BEND5: variants seen among roughly 807,000 people sequenced by gnomAD.
BEND5 encodes BEN domain-containing protein 5.
BEND5 carries 22 observed loss-of-function variants against 43.9 expected under a neutral mutation model. The ratio of observed to expected loss-of-function variants is 0.50; its 90% CI spans 0.36 to 0.72. The LOEUF is 0.72. BEND5 is among the 30% of genes least tolerant of loss of function. The probability of loss-of-function intolerance (pLI) is 0.00; values close to 1 mark genes in which losing one functional copy is unlikely to be tolerated. For missense variants in BEND5, 428 were observed against 550.6 expected, an observed-to-expected ratio of 0.78 and a Z score of 2.23; for synonymous variants, 228 against 225.9, an observed-to-expected ratio of 1.01 and a Z score of -0.08.
intron 3 of BEND5, among the ~76,000 whole-genome samples, chr1:48,747,730 C>A (rs12024474): frequency 6.6e-6 from 1 of 151,970 alleles, no homozygotes; most frequent in Non-Finnish European, 1.5e-5. Flanking sequence ...CATGAAATTA[C>A]ACCATTTTCT....
chr1:48,750,590 C>T (rs919353630), intron 3 of BEND5, among the ~76,000 whole-genome samples: 1 of 152,218 alleles, frequency 6.6e-6, no homozygotes, highest in Non-Finnish European at 1.5e-5. Flanking sequence ...ACTGTGACTT[C>T]TTTAAGGTGG....
intron 4 of BEND5, among the ~76,000 whole-genome samples, chr1:48,738,583 C>G (rs1649431669): frequency 6.6e-6 from 1 of 152,232 alleles, no homozygotes; most frequent in Admixed American, 6.5e-5. Context: ...GCCACCCACA[C>G]AAGCTTCCTG....
At position 48,760,646 on chromosome 1, in the gene BEND5, T is replaced by C. The variant is rs115091876; in HGVS notation, c.360+691A>G. Among the ~76,000 whole-genome samples, 588 of 152,304 alleles carry C rather than the reference T, an allele frequency of 3.9e-3. 2 individuals are homozygous for C. Among genetic ancestry groups the C allele is most frequent in the African/African-American group, 0.013 (543 of 41,556 alleles). On this transcript the variant is annotated intron_variant, in intron 2 of 5. Transcript: ENST00000371833. ...CATAGCAGGAGTACAATGAATGCCATGAACTGAACTCAGCTACATTCCTTG... is the reference window on the plus strand; with the variant it reads ...CATAGCAGGAGTACAATGAATGCCACGAACTGAACTCAGCTACATTCCTTG...
intron 3 of BEND5, among the ~76,000 whole-genome samples, chr1:48,757,300 A>AT (rs1643987207): frequency 6.6e-6 from 1 of 152,216 alleles, no homozygotes; most frequent in African/African-American, 2.4e-5. Flanking sequence ...CCCATCCCCC[A>AT]TCACCACTAC....
chr1:48,744,195 C>G (rs1310575214), intron 3 of BEND5, among the ~76,000 whole-genome samples: 1 of 152,206 alleles, frequency 6.6e-6, no homozygotes, highest in Admixed American at 6.5e-5. Flanking sequence ...TATTCAAGGG[C>G]TGGGCCTAGG....
chr1:48,731,886 G>A (rs1648197402), intron 5 of BEND5, among the ~76,000 whole-genome samples: 1 of 152,146 alleles, frequency 6.6e-6, no homozygotes, highest in Non-Finnish European at 1.5e-5. Context: ...TGGTGGTCAA[G>A]GGATATCTGG....
At position 48,736,168 on chromosome 1, in the gene BEND5, T is replaced by C. The variant is rs541574589; in HGVS notation, c.1108+71A>G. The C allele has an allele frequency of 4.0e-6, 6 of 1,502,434 alleles. No individual in the cohort carries two copies. In the East Asian group the frequency reaches 6.8e-5, roughly 17 times the overall value. The allele number at this position is 1,502,434 out of a possible 1,614,324, so 93.1% of individuals were successfully genotyped here. A position where few individuals can be genotyped will look rare whatever the true frequency, so the allele number is the denominator to read the frequency against. On this transcript the variant is annotated intron_variant, in intron 5 of 5. Transcript: ENST00000371833. The surrounding 1 kb of genome is among the most constrained non-coding windows in gnomAD (Gnocchi z 4.0). ...CTTCATAAGTAATCGTTGAATTGAATTGTGCCTAACACATTCTTGACAGAG... is the reference window on the plus strand; with the variant it reads ...CTTCATAAGTAATCGTTGAATTGAACTGTGCCTAACACATTCTTGACAGAG...
chr1:48,756,002 G>A (rs1481120445), intron 3 of BEND5, among the ~76,000 whole-genome samples: 11 of 152,158 alleles, frequency 7.2e-5, no homozygotes, highest in Admixed American at 6.5e-4. Flanking sequence ...GGGGGTGCCC[G>A]AGTTAAAAGC....
At chr1:48,741,415 C>T (rs1649890484) in intron 4 of BEND5, among the ~76,000 whole-genome samples, 1 of 152,232 alleles carries the variant, frequency 6.6e-6, no homozygotes. Flanking sequence ...AGGCTGCCGA[C>T]TTCCAACTTG....
Position 48,727,582 on chromosome 1 carries a change from T to G in BEND5, c.*304A>C, listed in dbSNP as rs911894163. 5 of 203,154 alleles carry G rather than the reference T, an allele frequency of 2.5e-5. No homozygotes were observed. Among genetic ancestry groups the G allele is most frequent in the African/African-American group, 1.2e-4 (5 of 43,352 alleles). 12.6% of individuals were successfully genotyped at this position (203,154 alleles called of 1,614,324 possible). A position where few individuals can be genotyped will look rare whatever the true frequency, so the allele number is the denominator to read the frequency against. On this transcript the variant is annotated 3_prime_UTR_variant, in exon 6 of 6. Transcript: ENST00000371833. ...ATAGAGCAACAAAGAAGTCCTTGGA[T>G]AGTAAAAATATCCATTCAAACCCCA...
intron 3 of BEND5, among the ~76,000 whole-genome samples, chr1:48,746,411 C>T (rs1176479553): frequency 2.0e-5 from 3 of 151,878 alleles, no homozygotes; most frequent in African/African-American, 2.4e-5. Context: ...CTCCACAGCC[C>T]ACCCACTCTC....
intron 1 of BEND5, among the ~76,000 whole-genome samples, chr1:48,771,750 C>G (rs1557976269): frequency 6.6e-6 from 1 of 152,184 alleles, no homozygotes; most frequent in Non-Finnish European, 1.5e-5. Context: ...TGTAGAAGTT[C>G]CAAAGCATTT....
rs905324420 is a variant in BEND5 at position 48,776,653 on chromosome 1, TCGCGGGGGGCG to T, written c.168_178del (p.Ala57LeufsTer20). The T allele has an allele frequency of 2.7e-6, 4 of 1,488,160 alleles. No homozygotes were observed. The highest frequency in any genetic ancestry group is 2.7e-6 in the Non-Finnish European group (3 of 1,122,144). 92.2% of individuals were successfully genotyped at this position (1,488,160 alleles called of 1,614,324 possible). ...CTTGTGGAGCAACAGCGCGCCCCAG[TCGCGGGGGGCG>T]CGCGGGGGGCTCTCGGGCCCGGCGC... On this transcript the variant is annotated frameshift_variant, in exon 1 of 6. Transcript: ENST00000371833. LOFTEE classifies it high-confidence loss of function.
At chr1:48,731,821 C>T (rs1648182627) in intron 5 of BEND5, among the ~76,000 whole-genome samples, 1 of 152,158 alleles carries the variant, frequency 6.6e-6, no homozygotes, top group South Asian at 2.1e-4. Context: ...GCTTCTATGG[C>T]ATGTTTAGAA....
intron 4 of BEND5, among the ~76,000 whole-genome samples, chr1:48,737,198 C>A (rs1325256595): frequency 6.6e-6 from 1 of 152,086 alleles, no homozygotes; most frequent in Non-Finnish European, 1.5e-5. Context: ...GCAAGAGAAT[C>A]GCTTGAACCT....
intron 5 of BEND5, among the ~76,000 whole-genome samples, chr1:48,733,991 A>G (rs1280925430): frequency 6.6e-5 from 10 of 152,122 alleles, no homozygotes; most frequent in Admixed American, 2.6e-4. Context: ...GGCACCCAGG[A>G]CCTCCTGAGT....
chr1:48,749,424 C>T (rs1316273618), intron 3 of BEND5, among the ~76,000 whole-genome samples: 1 of 152,136 alleles, frequency 6.6e-6, no homozygotes, highest in South Asian at 2.1e-4. Context: ...GGTGGTCCTA[C>T]AAAATCGATC....
chr1:48,734,914 G>A (rs1328021647), intron 5 of BEND5, among the ~76,000 whole-genome samples: 1 of 152,182 alleles, frequency 6.6e-6, no homozygotes, highest in Non-Finnish European at 1.5e-5. Flanking sequence ...AGACATGGCA[G>A]ACCTGGACAC....
chr1:48,748,069 C>T (rs1651043575), intron 3 of BEND5, among the ~76,000 whole-genome samples: 1 of 152,112 alleles, frequency 6.6e-6, no homozygotes, highest in African/African-American at 2.4e-5. Flanking sequence ...AGAACATCTG[C>T]TGTGGCACAC....
Sources: allele counts gnomAD v4.1 joint callset (sites outside exome capture counted in the v4.1 genomes callset), GRCh38; gene constraint gnomAD v4.1.1; non-coding constraint Gnocchi (gnomAD v3.1); transcripts MANE v1.5; gene names NCBI Gene and HGNC (gene_info 2026-07-23, HGNC 2026-07-21).